The following GP6 variants were observed in gnomAD, a reference collection of about 807,000 sequenced individuals.
GP6 encodes glycoprotein VI platelet.
GP6 carries 45 observed loss-of-function variants against 37.3 expected under a neutral mutation model. The ratio of observed to expected loss-of-function variants is 1.21; its 90% CI spans 0.95 to 1.55. The LOEUF is 1.55. Among genes scored for constraint, GP6 ranks in the 40% most tolerant of loss-of-function variants. The pLI, the probability that GP6 is intolerant of heterozygous loss-of-function variation, is 0.00. For missense variants in GP6, 813 were observed against 760.2 expected (o/e 1.07, Z -0.82); for synonymous variants, 340 against 316.4 (o/e 1.07, Z -0.79).
intron 6 of GP6, among the ~76,000 whole-genome samples, chr19:55,016,782 C>T (rs2073891793): frequency 6.6e-6 from 1 of 151,882 alleles, no homozygotes; most frequent in Non-Finnish European, 1.5e-5. Flanking sequence ...CCAGGCATGA[C>T]ACTGGCTGAA....
At chr19:55,019,670 C>CTT (rs1210407345) in intron 5 of GP6, among the ~76,000 whole-genome samples, 2 of 122,442 alleles carry the variant, frequency 1.6e-5, no homozygotes, top group Non-Finnish European at 1.8e-5. Flanking sequence ...AGGCCATTTT[C>CTT]TTTTTTTCTT....
At chr19:55,030,558 G>A (rs553150144) in intron 3 of GP6, among the ~76,000 whole-genome samples, 2 of 151,912 alleles carry the variant, frequency 1.3e-5, no homozygotes, top group Non-Finnish European at 2.9e-5. Flanking sequence ...GGCCAGGCTG[G>A]TCTCAAACTC....
chr19:55,035,241 T>TA (rs34694263), intron 1 of GP6, among the ~76,000 whole-genome samples: 66,530 of 151,804 alleles, frequency 0.44, 15,099 homozygotes, highest in East Asian at 0.58. Flanking sequence ...CTTGGGAACT[T>TA]ACAGGAGTAG....
In GP6 at chr19:55,015,050, G is replaced by A; in HGVS notation, c.895C>T (p.Pro299Ser). ...GCACAGCCCTGCCCCTGTGCCGCAG[G>A]CGCTTCCTCCGGCTGTGCCAGTCCT... Residue 299 changes from proline to serine, a missense_variant, in exon 8 of 8, where the codon CCT (proline) becomes TCT (serine). By Grantham distance (74) the Pro-to-Ser change is moderately conservative (BLOSUM62 -1). Transcript: ENST00000310373. 1 of 1,608,578 alleles carries A rather than the reference G, an allele frequency of 6.2e-7. No homozygotes were observed. Among genetic ancestry groups the A allele is most frequent in the South Asian group, 1.1e-5 (1 of 90,022 alleles).
At chr19:55,031,195 G>A (rs2074547800) in intron 3 of GP6, among the ~76,000 whole-genome samples, 2 of 152,130 alleles carry the variant, frequency 1.3e-5, no homozygotes, top group African/African-American at 4.8e-5. Flanking sequence ...TAACATGAGG[G>A]GATCCTGGGT....
intron 5 of GP6, among the ~76,000 whole-genome samples, chr19:55,022,953 C>A (rs1003098878): frequency 6.6e-6 from 1 of 152,136 alleles, no homozygotes; most frequent in East Asian, 1.9e-4. Flanking sequence ...TTTATAGATT[C>A]ATTGCTATTC....
Position 55,027,687 on chromosome 19 carries a change from G to A in GP6, c.501C>T (p.Ile167=), listed in dbSNP as rs746844654. Residue 167 remains isoleucine (I), a synonymous_variant, in exon 4 of 8, where the codon ATC becomes ATT. Coordinates refer to ENST00000310373, the MANE Select transcript of GP6 (RefSeq NM_001083899.2). ...CGCTGTGGGCGGCGGTCACCGTGAT[G>A]ATGGGAAAACTAGCCCTGTACCATC... 1.1e-5 allele frequency: 17 copies of A among 1,612,804 alleles called. No homozygotes were observed. The Admixed American group carries it at 2.8e-4, about 27-fold the overall frequency.
chr19:55,023,967 TA>T (rs58104074), intron 5 of GP6, among the ~76,000 whole-genome samples: 115,055 of 151,682 alleles, frequency 0.76, 44,426 homozygotes, highest in Middle Eastern at 0.84. Flanking sequence ...GGTGTGAATA[TA>T]AAAGGGTAGC....
chr19:55,029,343 TATATATATATATATATATATATA>T (rs1568628456), intron 3 of GP6, among the ~76,000 whole-genome samples: 2 of 2,910 alleles, frequency 6.9e-4, no homozygotes, highest in African/African-American at 1.2e-3. Flanking sequence ...TATATATATA[TATATATATATATATATATATATA>T]TATATATATT....
chr19:55,029,352 A>T lies in GP6; in HGVS notation c.326-1490T>A, dbSNP rs1568628820. 3.4e-3 allele frequency among the ~76,000 whole-genome samples: 9 copies of T among 2,610 alleles called. 2 individuals carry two copies. The highest frequency in any genetic ancestry group is 6.9e-3 in the Admixed American group (1 of 144). The allele number at this position is 2,610 out of a possible 152,430, so 1.7% of individuals were successfully genotyped here. A position where few individuals can be genotyped will look rare whatever the true frequency, so the allele number is the denominator to read the frequency against. ...TATATATATATATATATATATATAT[A>T]TATATATATATATATATATATATTT... On this transcript the variant is annotated intron_variant, in intron 3 of 7. Coordinates refer to ENST00000310373, the MANE Select transcript of GP6 (RefSeq NM_001083899.2).
chr19:55,034,541 G>A (rs1014778483), intron 1 of GP6, among the ~76,000 whole-genome samples: 2 of 151,028 alleles, frequency 1.3e-5, no homozygotes, highest in Non-Finnish European at 2.9e-5. Flanking sequence ...GGGCAACAGA[G>A]CAAGACTCCA....
At chr19:55,022,341 C>T (rs916419509) in intron 5 of GP6, among the ~76,000 whole-genome samples, 21 of 152,222 alleles carry the variant, frequency 1.4e-4, no homozygotes, top group Admixed American at 9.2e-4. Flanking sequence ...GTGTAAGGAA[C>T]GGGTCCAGTT....
chr19:55,026,270 A>G (rs1263419144), intron 4 of GP6, among the ~76,000 whole-genome samples: 1 of 152,198 alleles, frequency 6.6e-6, no homozygotes, highest in Non-Finnish European at 1.5e-5. Flanking sequence ...TTGTGGTACA[A>G]TATGTTGACC....
chr19:55,032,731 A>G, intron 1 of GP6, 193 bp from the exon 2 acceptor site: 3 of 683,116 alleles, frequency 4.4e-6, no homozygotes, highest in Non-Finnish European at 8.0e-6. Context: ...GAGGTCATTT[A>G]CATGAAATAT....
At position 55,038,261 on chromosome 19, in the gene GP6, C is replaced by T; in HGVS notation, c.-25G>A. On this transcript the variant is annotated 5_prime_UTR_variant, in exon 1 of 8. Transcript: ENST00000310373. ...TGGTTCCTCAGCCCTGTCCTGAGCT[C>T]TGTGGCCAGGGAGGGAAGTGGTGGG... is the stretch of plus-strand genomic sequence containing the variant. 6.3e-7 allele frequency: 1 copy of T among 1,575,946 alleles called. No individual in the cohort carries two copies. The highest frequency in any genetic ancestry group is 8.6e-7 in the Non-Finnish European group (1 of 1,158,318).
At chr19:55,033,265 CGGTGGACTCGTTCGTGTTAGACACGGT>C (rs2074670788) in intron 1 of GP6, among the ~76,000 whole-genome samples, 1 of 83,014 alleles carries the variant, frequency 1.2e-5, no homozygotes, top group East Asian at 4.1e-4. Flanking sequence ...GTGTTAGACA[CGGTGGACTCGTTCGTGTTAGACACGGT>C]GGACTCGTTC....
chr19:55,025,679 C>A (rs2074272969), intron 4 of GP6, among the ~76,000 whole-genome samples: 1 of 151,454 alleles, frequency 6.6e-6, no homozygotes, highest in African/African-American at 2.4e-5. Context: ...GCACTCCAGC[C>A]TGGGTGACGC....
intron 5 of GP6, among the ~76,000 whole-genome samples, chr19:55,024,309 T>TGCACGCGCACGCACATGCACGCACAC (rs1357661954): frequency 7.7e-6 from 1 of 129,950 alleles, no homozygotes; most frequent in African/African-American, 3.0e-5. Context: ...TGCACACACA[T>TGCACGCGCACGCACATGCACGCACAC]ATGCACGCAC....
chr19:55,024,648 C>G (rs1221775170), intron 5 of GP6, among the ~76,000 whole-genome samples: 2 of 152,160 alleles, frequency 1.3e-5, no homozygotes, highest in African/African-American at 4.8e-5. Context: ...ACAAAACTTA[C>G]CGCAGTGGTT....
Sources: gnomAD v4.1 joint callset for allele counts (sites outside exome capture counted in the v4.1 genomes callset) on GRCh38, gnomAD v4.1.1 for gene constraint, MANE v1.5 for transcripts, NCBI Gene and HGNC (gene_info 2026-07-23, HGNC 2026-07-21) for gene names.